MBP: variants seen among roughly 807,000 people sequenced by gnomAD.
MBP encodes myelin basic protein, also known as Golli-MBP.
MBP carries 16 observed loss-of-function variants against 35.8 expected under a neutral mutation model. The observed-to-expected ratio is 0.45, with a 90% confidence interval of 0.30 to 0.68. MBP has a LOEUF of 0.68. MBP is among the 30% of genes least tolerant of loss of function. The probability of loss-of-function intolerance (pLI) is 0.08; values close to 1 mark genes in which losing one functional copy is unlikely to be tolerated. For missense variants in MBP, 380 were observed against 404.7 expected (o/e 0.94, Z 0.52); for synonymous variants, 143 against 159.6 (o/e 0.90, Z 0.78).
chr18:76,989,676 GT>G lies in MBP; in HGVS notation c.681+279del. ...ACTCTCCATAGGTTGCAAAGCCTGT[GT>G]TTTTAGGCTAAGCGTTACATGGGAG... On this transcript the variant is annotated intron_variant, in intron 5 of 8. Coordinates refer to ENST00000355994, the MANE Select transcript of MBP (RefSeq NM_001025101.2). The surrounding 1 kb of genome is among the most constrained non-coding windows in gnomAD (Gnocchi z 4.0). 2.5e-6 allele frequency: 1 copy of G among 394,470 alleles called. No individual in the cohort carries two copies. Among genetic ancestry groups the G allele is most frequent in the Non-Finnish European group, 4.7e-6 (1 of 213,882 alleles). 24.4% of individuals were successfully genotyped at this position (394,470 alleles called of 1,614,324 possible).
chr18:77,033,165 GC>G (rs1331424980), intron 3 of MBP, among the ~76,000 whole-genome samples: 3 of 151,926 alleles, frequency 2.0e-5, no homozygotes, highest in Non-Finnish European at 4.4e-5. Context: ...ATGGGGTTTT[GC>G]CACATTGGCC....
chr18:77,066,070 C>A, intron 3 of MBP: 1 of 489,200 alleles, frequency 2.0e-6, no homozygotes. Context: ...ATTGTGTTGC[C>A]CGGGCTGGTC....
chr18:77,087,434 G>C (rs914228732), intron 2 of MBP: 1 of 148,308 alleles, frequency 6.7e-6, no homozygotes, highest in African/African-American at 2.5e-5. Flanking sequence ...TGGTGCAGCA[G>C]CCCCGCTCTG....
chr18:77,028,925 T>C lies in MBP; in HGVS notation c.140-11657A>G, dbSNP rs1368528917. Among the ~76,000 whole-genome samples, 15 of 103,562 alleles carry C rather than the reference T, an allele frequency of 1.4e-4. 1 individual carries two copies. Among genetic ancestry groups the C allele is most frequent in the South Asian group, 3.2e-4 (1 of 3,126 alleles). 67.9% of individuals were successfully genotyped at this position (103,562 alleles called of 152,430 possible). A position where few individuals can be genotyped will look rare whatever the true frequency, so the allele number is the denominator to read the frequency against. On this transcript the variant is annotated intron_variant, in intron 3 of 8. Transcript: ENST00000355994. ...GGCCGGGCAGAGACTCTCCTCACTT[T>C]CCAGACTGGGCAGCCAGGCAGAGGG...
chr18:76,997,745 C>T (rs1291205570), intron 4 of MBP, among the ~76,000 whole-genome samples: 17 of 151,086 alleles, frequency 1.1e-4, no homozygotes, highest in Non-Finnish European at 2.2e-4. Flanking sequence ...TGCAGTGGCG[C>T]GACCTCGGCT....
Position 77,017,277 on chromosome 18 carries a change from A to G in MBP, c.140-9T>C, listed in dbSNP as rs770921888. 1 of 1,504,436 alleles carries G rather than the reference A, an allele frequency of 6.6e-7. No homozygotes were observed. The highest frequency in any genetic ancestry group is 8.9e-7 in the Non-Finnish European group (1 of 1,128,622). 93.2% of individuals were successfully genotyped at this position (1,504,436 alleles called of 1,614,324 possible). A position where few individuals can be genotyped will look rare whatever the true frequency, so the allele number is the denominator to read the frequency against. On this transcript the variant is annotated splice_polypyrimidine_tract_variant and intron_variant, in intron 3 of 8. Coordinates refer to ENST00000355994, the MANE Select transcript of MBP (RefSeq NM_001025101.2). ...GTTCGCATCTGCCTCTCCTGCAAACAACAATGAGATATGAATACGGGCCTG... is the reference window on the plus strand; with the variant it reads ...GTTCGCATCTGCCTCTCCTGCAAACGACAATGAGATATGAATACGGGCCTG...
chr18:77,028,843 T>C (rs193076495), intron 3 of MBP, among the ~76,000 whole-genome samples: 4 of 69,886 alleles, frequency 5.7e-5, no homozygotes, highest in Non-Finnish European at 1.2e-4. Flanking sequence ...CGCTCCTCAC[T>C]TCCCAGATGT....
intron 3 of MBP, among the ~76,000 whole-genome samples, chr18:77,038,353 A>G (rs577017414): frequency 6.6e-6 from 1 of 152,308 alleles, no homozygotes; most frequent in Non-Finnish European, 1.5e-5. Flanking sequence ...GGTTGCAAAG[A>G]CCTTTCTGAT....
At chr18:77,116,778 G>C (rs1976676590) in intron 1 of MBP, among the ~76,000 whole-genome samples, 1 of 152,068 alleles carries the variant, frequency 6.6e-6, no homozygotes, top group South Asian at 2.1e-4. Flanking sequence ...AGAATCTCTT[G>C]AACCCAGTAG....
chr18:76,985,106 G>C, intron 7 of MBP: 2 of 1,528,766 alleles, frequency 1.3e-6, no homozygotes, highest in Admixed American at 1.9e-5. Flanking sequence ...GCCGCAGAGA[G>C]AGGAGGGCTC....
At chr18:77,117,785 AGTGGGTTGGGGTGGGACGGGGGT>A in intron 1 of MBP, among the ~76,000 whole-genome samples, 1 of 25,276 alleles carries the variant, frequency 4.0e-5, no homozygotes, top group Non-Finnish European at 6.7e-5. Context: ...GATGGGGGTC[AGTGGGTTGGGGTGGGACGGGGGT>A]CAGTGGGTTG....
intron 3 of MBP, among the ~76,000 whole-genome samples, chr18:77,064,662 C>T (rs1974118509): frequency 6.6e-6 from 1 of 151,934 alleles, no homozygotes; most frequent in African/African-American, 2.4e-5. Flanking sequence ...TAATCACGAA[C>T]AAAAAAAATC....
chr18:77,014,619 T>G, intron 4 of MBP: 1 of 985,430 alleles, frequency 1.0e-6, no homozygotes, highest in African/African-American at 1.7e-5. Context: ...GCCCACCCAA[T>G]GAATACCCCA....
chr18:77,082,597 G>A (rs1318578447), intron 2 of MBP, among the ~76,000 whole-genome samples: 2 of 152,204 alleles, frequency 1.3e-5, no homozygotes, highest in African/African-American at 2.4e-5. Flanking sequence ...ACACCAGTGC[G>A]CACCCAATAG....
chr18:77,020,554 G>A lies in MBP; in HGVS notation c.140-3286C>T, dbSNP rs1273747949. Among the ~76,000 whole-genome samples, 1 of 152,216 alleles carries A rather than the reference G, an allele frequency of 6.6e-6. No individual in the cohort carries two copies. Among genetic ancestry groups the A allele is most frequent in the Middle Eastern group, 3.2e-3 (1 of 316 alleles). On this transcript the variant is annotated intron_variant, in intron 3 of 8. Transcript: ENST00000355994. The surrounding 1 kb of genome is among the most constrained non-coding windows in gnomAD (Gnocchi z 4.1). ...CAGGAACCCCTCCTCAGAGTCACAT[G>A]GGAGGCTGAATTTCCCAGCACATGC... is the stretch of plus-strand genomic sequence containing the variant.
chr18:77,039,186 A>C (rs951571603), intron 3 of MBP, among the ~76,000 whole-genome samples: 2 of 152,234 alleles, frequency 1.3e-5, no homozygotes, highest in African/African-American at 2.4e-5. Flanking sequence ...CTCCACAGAG[A>C]CTGCGTAGCC....
chr18:77,053,165 T>A (rs1341363005), intron 3 of MBP, among the ~76,000 whole-genome samples: 4 of 152,182 alleles, frequency 2.6e-5, no homozygotes, highest in Non-Finnish European at 4.4e-5. Context: ...CAACACCAGA[T>A]GGCTTAGTGA....
At chr18:77,036,977 G>C (rs1033807178) in intron 3 of MBP, among the ~76,000 whole-genome samples, 2 of 44,598 alleles carry the variant, frequency 4.5e-5, no homozygotes, top group Admixed American at 5.6e-4. Flanking sequence ...AGCAAGTGCT[G>C]GTCACGTTTT....
intron 2 of MBP, among the ~76,000 whole-genome samples, chr18:77,100,190 C>T (rs891657099): frequency 5.9e-5 from 9 of 152,160 alleles, no homozygotes; most frequent in Non-Finnish European, 1.0e-4. Flanking sequence ...CCTGAGCCAA[C>T]GTGATGCTGT....
Sources: gnomAD v4.1 joint callset for allele counts (sites outside exome capture counted in the v4.1 genomes callset) on GRCh38, gnomAD v4.1.1 for gene constraint, Gnocchi (gnomAD v3.1) non-coding constraint, MANE v1.5 for transcripts, NCBI Gene and HGNC (gene_info 2026-07-23, HGNC 2026-07-21) for gene names.